Variants in UBL3 observed in about 807,000 individuals in gnomAD.
UBL3 encodes ubiquitin-like protein 3.
UBL3 carries 6 observed loss-of-function variants against 18.4 expected under a neutral mutation model. The observed-to-expected ratio is 0.33, with a 90% CI of 0.18 to 0.64. The LOEUF is 0.64. UBL3 is among the 30% of genes least tolerant of loss of function. UBL3 has a pLI of 0.76. For synonymous variants in UBL3, 49 were observed against 46.6 expected (o/e 1.05, Z -0.21); for missense variants, 109 against 142.9 (o/e 0.76, Z 1.21).
chr13:29,812,244 T>A (rs1878108745), intron 1 of UBL3, among the ~76,000 whole-genome samples: 1 of 152,038 alleles, frequency 6.6e-6, no homozygotes, highest in African/African-American at 2.4e-5. Context: ...CAAAATTCAA[T>A]TCTAAGAGTT....
chr13:29,794,701 GGCACTGGGT>G (rs1378637007), intron 1 of UBL3, among the ~76,000 whole-genome samples: 25 of 152,080 alleles, frequency 1.6e-4, no homozygotes, highest in Non-Finnish European at 3.1e-4. Context: ...GGTCTTCCTG[GGCACTGGGT>G]GCCCTTTCTC....
At chr13:29,837,915 CAATAAT>C (rs373812724) in intron 1 of UBL3, among the ~76,000 whole-genome samples, 15 of 141,502 alleles carry the variant, frequency 1.1e-4, no homozygotes, top group East Asian at 1.0e-3. Context: ...GACTCTGTCT[CAATAAT>C]AATAATAATA....
chr13:29,791,601 C>G (rs1233312671), intron 1 of UBL3, among the ~76,000 whole-genome samples: 3 of 152,152 alleles, frequency 2.0e-5, no homozygotes, highest in Non-Finnish European at 2.9e-5. Context: ...TGTTCTTGTT[C>G]GGTTCTGAGG....
At chr13:29,787,710 T>C (rs1209715786) in intron 1 of UBL3, among the ~76,000 whole-genome samples, 2 of 152,236 alleles carry the variant, frequency 1.3e-5, no homozygotes, top group East Asian at 1.9e-4. Context: ...AATTCAAAAG[T>C]ACTTTCTCTA....
chr13:29,774,219 CTT>C (rs1378696606), intron 2 of UBL3, among the ~76,000 whole-genome samples: 1 of 151,884 alleles, frequency 6.6e-6, no homozygotes, highest in African/African-American at 2.4e-5. Context: ...ATGGCAAAGA[CTT>C]ATACTTGAAT....
rs189814200 is a variant in UBL3 at position 29,840,421 on chromosome 13, C to T, written c.27+9091G>A. Among the ~76,000 whole-genome samples, 292 of 152,246 alleles carry T rather than the reference C, an allele frequency of 1.9e-3. 2 individuals are homozygous for T. The highest frequency in any genetic ancestry group is 6.8e-3 in the African/African-American group (281 of 41,546). On this transcript the variant is annotated intron_variant, in intron 1 of 4. Coordinates refer to ENST00000380680, the MANE Select transcript of UBL3 (RefSeq NM_007106.4). ...CAAACATTTGTGGATGGAATAAAAT[C>T]AATCTTCACAAATTCTTCCAGAGTA...
intron 1 of UBL3, among the ~76,000 whole-genome samples, chr13:29,839,547 G>C (rs1055367298): frequency 1.3e-5 from 2 of 152,158 alleles, no homozygotes; most frequent in Non-Finnish European, 1.5e-5. Flanking sequence ...TCAGCTACTT[G>C]GGAGGCTAAG....
intron 1 of UBL3, among the ~76,000 whole-genome samples, chr13:29,785,778 T>C (rs1021065499): frequency 2.0e-5 from 3 of 152,196 alleles, no homozygotes; most frequent in African/African-American, 4.8e-5. Context: ...AAGGTTAATA[T>C]GAAACTCCTT....
intron 1 of UBL3, among the ~76,000 whole-genome samples, chr13:29,801,288 T>A (rs1028756502): frequency 2.0e-5 from 3 of 152,174 alleles, no homozygotes; most frequent in African/African-American, 7.2e-5. Flanking sequence ...ATAGCCATCC[T>A]ACCCCCAGCT....
At chr13:29,806,710 C>T (rs1490973366) in intron 1 of UBL3, among the ~76,000 whole-genome samples, 2 of 152,160 alleles carry the variant, frequency 1.3e-5, no homozygotes, top group Non-Finnish European at 2.9e-5. Flanking sequence ...TATTAAAAAG[C>T]ATTTTCCTCA....
At chr13:29,828,881 T>C (rs1329243214) in intron 1 of UBL3, among the ~76,000 whole-genome samples, 1 of 152,234 alleles carries the variant, frequency 6.6e-6, no homozygotes, top group Non-Finnish European at 1.5e-5. Flanking sequence ...GTTTGTTAGT[T>C]TTCCTTCTAA....
chr13:29,768,802 T>A (rs1438693252), intron 3 of UBL3, among the ~76,000 whole-genome samples: 1 of 152,042 alleles, frequency 6.6e-6, no homozygotes, highest in Non-Finnish European at 1.5e-5. Flanking sequence ...CTGACTTAAA[T>A]CAAAATGTAA....
intron 1 of UBL3, among the ~76,000 whole-genome samples, chr13:29,796,139 C>T (rs939433953): frequency 7.9e-5 from 12 of 152,038 alleles, no homozygotes; most frequent in Admixed American, 3.9e-4. Flanking sequence ...AAGTCATTTG[C>T]TAAAAGGCTG....
At chr13:29,835,107 A>AAG (rs1878897035) in intron 1 of UBL3, among the ~76,000 whole-genome samples, 1 of 23,796 alleles carries the variant, frequency 4.2e-5, no homozygotes, top group Non-Finnish European at 7.1e-5. Context: ...TATATATATA[A>AAG]ATATATATAT....
intron 1 of UBL3, among the ~76,000 whole-genome samples, chr13:29,832,176 AGAGT>A (rs1404984107): frequency 6.6e-6 from 1 of 152,344 alleles, no homozygotes; most frequent in African/African-American, 2.4e-5. Context: ...CTCTGCCCTC[AGAGT>A]AAGTACATAG....
intron 3 of UBL3, among the ~76,000 whole-genome samples, chr13:29,771,587 C>T (rs548006546): frequency 2.9e-4 from 44 of 152,176 alleles, no homozygotes; most frequent in Middle Eastern, 3.4e-3. Flanking sequence ...AAGGTTTACA[C>T]AGCCAGTAAG....
At chr13:29,811,901 T>C (rs1878097872) in intron 1 of UBL3, among the ~76,000 whole-genome samples, 1 of 152,078 alleles carries the variant, frequency 6.6e-6, no homozygotes, top group Non-Finnish European at 1.5e-5. Context: ...ACACTCTCTA[T>C]CTTCTCTCAA....
At chr13:29,785,944 T>C (rs927171800) in intron 1 of UBL3, among the ~76,000 whole-genome samples, 3 of 152,202 alleles carry the variant, frequency 2.0e-5, no homozygotes, top group Non-Finnish European at 4.4e-5. Flanking sequence ...CTGAGATTCC[T>C]GAGTAGGGTG....
intron 1 of UBL3, among the ~76,000 whole-genome samples, chr13:29,808,847 G>C (rs1198754517): frequency 6.6e-6 from 1 of 152,048 alleles, no homozygotes; most frequent in Non-Finnish European, 1.5e-5. Context: ...GGAAGTAGTA[G>C]TTGCATTCAA....
Sources: gnomAD v4.1 joint callset for allele counts (sites outside exome capture counted in the v4.1 genomes callset) on GRCh38, gnomAD v4.1.1 for gene constraint, MANE v1.5 for transcripts, NCBI Gene and HGNC (gene_info 2026-07-23, HGNC 2026-07-21) for gene names.